The following PDLIM5 variants were observed in gnomAD, a reference collection of about 807,000 sequenced individuals.
PDLIM5 encodes PDZ and LIM domain protein 5.
A neutral mutation model predicts 64.2 loss-of-function variants in PDLIM5; 34 were observed. The ratio of observed to expected loss-of-function variants is 0.53; its 90% CI spans 0.40 to 0.71. The LOEUF (loss-of-function observed/expected upper bound fraction) is 0.71, where lower values mean the gene tolerates loss of function less well. Among genes scored for constraint, PDLIM5 ranks in the 30% least tolerant of loss-of-function variants. The pLI is 0.00. For synonymous variants in PDLIM5, 253 were observed against 269.1 expected (o/e 0.94, Z 0.59); for missense variants, 683 against 733.6 (o/e 0.93, Z 0.80).
At chr4:94,469,645 G>A (rs1461555236) in intron 2 of PDLIM5, among the ~76,000 whole-genome samples, 2 of 152,180 alleles carry the variant, frequency 1.3e-5, no homozygotes, top group Non-Finnish European at 1.5e-5. Context: ...AACTCCTGGG[G>A]ATTTTAGATG....
intron 2 of PDLIM5, among the ~76,000 whole-genome samples, chr4:94,496,578 C>T (rs1413980530): frequency 6.6e-6 from 1 of 152,190 alleles, no homozygotes. Context: ...CAGCCTCTGC[C>T]TCCTGGGCTC....
At chr4:94,546,008 G>A (rs1317082042) in intron 3 of PDLIM5, among the ~76,000 whole-genome samples, 1 of 152,160 alleles carries the variant, frequency 6.6e-6, no homozygotes, top group Non-Finnish European at 1.5e-5. Context: ...TGTCTTAAGT[G>A]GAGCTATTGA....
intron 2 of PDLIM5, among the ~76,000 whole-genome samples, chr4:94,495,457 C>G (rs1237555005): frequency 2.6e-5 from 4 of 151,912 alleles, no homozygotes; most frequent in Middle Eastern, 3.4e-3. Context: ...AGATGTTGAC[C>G]TTAACAACAT....
chr4:94,455,798 G>T, intron 2 of PDLIM5: 1 of 1,512,722 alleles, frequency 6.6e-7, no homozygotes, highest in Non-Finnish European at 8.9e-7. Context: ...TAAAATGATT[G>T]TTTCGGAATT....
chr4:94,582,210 T>C (rs948199659), intron 5 of PDLIM5, among the ~76,000 whole-genome samples: 11 of 152,194 alleles, frequency 7.2e-5, no homozygotes, highest in African/African-American at 1.9e-4. Context: ...ACTTCTGTTA[T>C]GTGAGACTGA....
In PDLIM5 at chr4:94,668,216, G is replaced by C. The variant is rs911133776; in HGVS notation, c.*4149G>C. On this transcript the variant is annotated 3_prime_UTR_variant, in exon 13 of 13. Transcript: ENST00000317968. ...TACTCAATAAATAAATGACTGCATT[G>C]TTGTAAATGAGCTCTCCTTTTTGTT... is the stretch of plus-strand genomic sequence containing the variant. 8.5e-5 allele frequency: 13 copies of C among 152,266 alleles called. No individual in the cohort carries two copies. The highest frequency in any genetic ancestry group is 3.9e-4 in the Admixed American group (6 of 15,286). The allele number at this position is 152,266 out of a possible 1,614,324, so 9.4% of individuals were successfully genotyped here.
At chr4:94,477,198 T>C (rs1181048587) in intron 2 of PDLIM5, among the ~76,000 whole-genome samples, 2 of 152,176 alleles carry the variant, frequency 1.3e-5, no homozygotes, top group African/African-American at 4.8e-5. Flanking sequence ...TTGGCAGTTA[T>C]CCATTCTTTT....
At chr4:94,632,526 C>G (rs943501749) in intron 8 of PDLIM5, among the ~76,000 whole-genome samples, 3 of 152,120 alleles carry the variant, frequency 2.0e-5, no homozygotes, top group Non-Finnish European at 2.9e-5. Context: ...AAAAAAATTA[C>G]TGTGTTGGGA....
Position 94,650,504 on chromosome 4 carries a change from G to A in PDLIM5, c.1284-3956G>A, listed in dbSNP as rs77613155. Among the ~76,000 whole-genome samples, 882 of 152,262 alleles carry A rather than the reference G, an allele frequency of 5.8e-3. 5 individuals carry two copies. The highest frequency in any genetic ancestry group is 9.2e-3 in the Non-Finnish European group (628 of 68,022). ...AGTAATTTTCAGTCGAATAAAATCT[G>A]TTGTGGTTGGGCTTTGAAAAATTCC... On this transcript the variant is annotated intron_variant, in intron 9 of 12. Coordinates refer to ENST00000317968, the MANE Select transcript of PDLIM5 (RefSeq NM_006457.5).
intron 3 of PDLIM5, among the ~76,000 whole-genome samples, chr4:94,565,215 C>T (rs559450531): frequency 1.3e-5 from 2 of 152,106 alleles, no homozygotes; most frequent in Non-Finnish European, 2.9e-5. Context: ...AACAGGTTGA[C>T]AGGAGCTAGA....
intron 3 of PDLIM5, among the ~76,000 whole-genome samples, chr4:94,535,631 A>G (rs1731255224): frequency 6.6e-6 from 1 of 152,068 alleles, no homozygotes; most frequent in Non-Finnish European, 1.5e-5. Flanking sequence ...GGAAATTAGT[A>G]TGGCATCACA....
chr4:94,602,107 T>G (rs1737549805), intron 7 of PDLIM5, among the ~76,000 whole-genome samples: 1 of 152,202 alleles, frequency 6.6e-6, no homozygotes, highest in Non-Finnish European at 1.5e-5. Context: ...CAAGGACAAT[T>G]TATTGTCATT....
intron 3 of PDLIM5, among the ~76,000 whole-genome samples, chr4:94,534,894 A>T (rs1033467416): frequency 6.6e-6 from 1 of 152,220 alleles, no homozygotes; most frequent in Admixed American, 6.5e-5. Flanking sequence ...TCATATTCAG[A>T]TGGAGGAATA....
intron 7 of PDLIM5, among the ~76,000 whole-genome samples, chr4:94,614,197 G>A (rs764776998): frequency 5.9e-5 from 9 of 152,082 alleles, no homozygotes; most frequent in Non-Finnish European, 1.3e-4. Context: ...TCTTGACCTC[G>A]TGATCCGCCC....
chr4:94,586,055 A>C (rs1465624272), intron 6 of PDLIM5, among the ~76,000 whole-genome samples: 2 of 152,138 alleles, frequency 1.3e-5, no homozygotes, highest in Non-Finnish European at 2.9e-5. Flanking sequence ...CTGTAATCCC[A>C]GCTACTTGGG....
intron 2 of PDLIM5, among the ~76,000 whole-genome samples, chr4:94,500,523 G>A (rs1305006903): frequency 5.9e-5 from 9 of 152,120 alleles, no homozygotes; most frequent in African/African-American, 2.4e-5. Context: ...CTAGAGAGGG[G>A]AAGAAGAACA....
chr4:94,537,104 A>G (rs1283639114), intron 3 of PDLIM5, among the ~76,000 whole-genome samples: 4 of 152,184 alleles, frequency 2.6e-5, no homozygotes, highest in Non-Finnish European at 5.9e-5. Flanking sequence ...TGAAATGCGG[A>G]TGAAAAATGG....
chr4:94,651,540 A>G (rs1224077785), intron 9 of PDLIM5, among the ~76,000 whole-genome samples: 1 of 152,234 alleles, frequency 6.6e-6, no homozygotes, highest in Non-Finnish European at 1.5e-5. Context: ...AAAAAGAATG[A>G]AATTCATCGA....
chr4:94,524,950 C>T (rs577860507), intron 3 of PDLIM5, among the ~76,000 whole-genome samples: 8 of 152,080 alleles, frequency 5.3e-5, no homozygotes, highest in East Asian at 1.9e-4. Flanking sequence ...TGATCATATA[C>T]GAGGTAGTTA....
Sources: gnomAD v4.1 joint callset for allele counts (sites outside exome capture counted in the v4.1 genomes callset) on GRCh38, gnomAD v4.1.1 for gene constraint, MANE v1.5 for transcripts, NCBI Gene and HGNC (gene_info 2026-07-23, HGNC 2026-07-21) for gene names.